The following CNOT6 variants were observed in gnomAD, a reference collection of about 807,000 sequenced individuals.
CNOT6 encodes the protein carbon catabolite repression 4 protein.
CNOT6 carries 12 observed loss-of-function variants against 61.2 expected under a neutral mutation model. That is an observed-to-expected ratio of 0.20 (90% CI 0.13 to 0.32). The LOEUF (loss-of-function observed/expected upper bound fraction) is 0.32, where lower values mean the gene tolerates loss of function less well. CNOT6 is among the 10% of genes least tolerant of loss of function. The pLI is 1.00. For missense variants in CNOT6, 405 were observed against 663.9 expected, an observed-to-expected ratio of 0.61 and a Z score of 4.28; for synonymous variants, 225 against 240.6, an observed-to-expected ratio of 0.94 and a Z score of 0.60.
intron 1 of CNOT6, among the ~76,000 whole-genome samples, chr5:180,496,394 G>A (rs930803435): frequency 1.3e-5 from 2 of 152,194 alleles, no homozygotes; most frequent in East Asian, 1.9e-4. Flanking sequence ...GGAAAGGACC[G>A]GGTTTGTGTG....
At chr5:180,510,466 C>T (rs917224608) in intron 1 of CNOT6, among the ~76,000 whole-genome samples, 9 of 152,036 alleles carry the variant, frequency 5.9e-5, no homozygotes, top group African/African-American at 1.7e-4. Flanking sequence ...TGACTATCGT[C>T]TAATGGAACT....
At position 180,576,578 on chromosome 5, in the gene CNOT6, C is replaced by G. The variant is rs1405634348; in HGVS notation, c.*2378C>G. On this transcript the variant is annotated 3_prime_UTR_variant, in exon 12 of 12. Coordinates refer to ENST00000261951, the MANE Select transcript of CNOT6 (RefSeq NM_001370472.1). Reference sequence around the variant, plus strand: ...TCCAGGCATACTGCATTCTGTGGATCAGTTTGAACAGCTTCTCCACCTTAT... The same window carrying G: ...TCCAGGCATACTGCATTCTGTGGATGAGTTTGAACAGCTTCTCCACCTTAT... 2 of 152,578 alleles carry G rather than the reference C, an allele frequency of 1.3e-5. No individual in the cohort carries two copies. Among genetic ancestry groups the G allele is most frequent in the Non-Finnish European group, 2.9e-5 (2 of 68,044 alleles). 9.5% of individuals were successfully genotyped at this position (152,578 alleles called of 1,614,324 possible).
intron 1 of CNOT6, among the ~76,000 whole-genome samples, chr5:180,522,316 T>C (rs114750437): frequency 0.019 from 2,876 of 152,192 alleles, 38 homozygotes; most frequent in Non-Finnish European, 0.027. Context: ...GGTTTTGCCT[T>C]GTTGCCCAGG....
At chr5:180,569,592 A>G (rs1760643720) in intron 10 of CNOT6, among the ~76,000 whole-genome samples, 1 of 152,220 alleles carries the variant, frequency 6.6e-6, no homozygotes, top group Non-Finnish European at 1.5e-5. Context: ...TAACTCTTTA[A>G]AGAACGTATG....
intron 4 of CNOT6, among the ~76,000 whole-genome samples, chr5:180,560,088 C>T (rs1007206511): frequency 8.6e-5 from 13 of 151,882 alleles, no homozygotes; most frequent in African/African-American, 3.1e-4. Flanking sequence ...GCTGGGATTA[C>T]AGGCACCCAC....
Position 180,574,980 on chromosome 5 carries a change from C to G in CNOT6, c.*780C>G, listed in dbSNP as rs190280622. 15 of 152,756 alleles carry G rather than the reference C, an allele frequency of 9.8e-5. No individual in the cohort carries two copies. In the East Asian group the frequency reaches 2.9e-3, roughly 29 times the overall value. The allele number at this position is 152,756 out of a possible 1,614,324, so 9.5% of individuals were successfully genotyped here. The stretch of plus-strand genomic sequence containing the variant: ...TATCTACTAGGACAGATAAGCTGAA[C>G]AGTGATGATCTGTAGACATTTATGG... On this transcript the variant is annotated 3_prime_UTR_variant, in exon 12 of 12. Coordinates refer to ENST00000261951, the MANE Select transcript of CNOT6 (RefSeq NM_001370472.1).
intron 2 of CNOT6, among the ~76,000 whole-genome samples, chr5:180,544,759 A>G (rs1216854346): frequency 1.3e-5 from 2 of 152,166 alleles, no homozygotes; most frequent in African/African-American, 4.8e-5. Context: ...CTTTAGGCAT[A>G]CCCTTCCCCT....
At chr5:180,544,431 GT>G (rs1365922980) in intron 2 of CNOT6, among the ~76,000 whole-genome samples, 4 of 151,994 alleles carry the variant, frequency 2.6e-5, no homozygotes, top group African/African-American at 9.7e-5. Flanking sequence ...TTCTTTCCTG[GT>G]TTTTTGGTAC....
chr5:180,502,249 T>C (rs1756897212), intron 1 of CNOT6, among the ~76,000 whole-genome samples: 2 of 152,212 alleles, frequency 1.3e-5, no homozygotes, highest in Admixed American at 6.5e-5. Context: ...TACAAAATTG[T>C]TTTGCCTGCG....
chr5:180,519,589 T>C (rs1392392628), intron 1 of CNOT6, among the ~76,000 whole-genome samples: 2 of 152,152 alleles, frequency 1.3e-5, no homozygotes, highest in Non-Finnish European at 2.9e-5. Flanking sequence ...ATTTGAGTCT[T>C]GATAAATATG....
At chr5:180,516,175 A>G (rs1757629034) in intron 1 of CNOT6, among the ~76,000 whole-genome samples, 1 of 140,970 alleles carries the variant, frequency 7.1e-6, no homozygotes, top group Non-Finnish European at 1.6e-5. Flanking sequence ...AGCTGGGAAA[A>G]TTCAGGATTT....
chr5:180,548,602 G>A (rs1355592932), intron 2 of CNOT6, among the ~76,000 whole-genome samples: 1 of 152,202 alleles, frequency 6.6e-6, no homozygotes, highest in Non-Finnish European at 1.5e-5. Context: ...GCTGTCCAAG[G>A]AGTAAGCTGA....
intron 1 of CNOT6, among the ~76,000 whole-genome samples, chr5:180,521,172 G>A (rs1316664693): frequency 6.6e-6 from 1 of 152,158 alleles, no homozygotes; most frequent in Non-Finnish European, 1.5e-5. Flanking sequence ...TAGTCATGAA[G>A]TTTTTGTGTG....
intron 4 of CNOT6, among the ~76,000 whole-genome samples, chr5:180,557,440 G>A (rs555310247): frequency 4.6e-5 from 7 of 152,136 alleles, no homozygotes; most frequent in Non-Finnish European, 1.0e-4. Context: ...TAGATGTGTA[G>A]TCATTTCATG....
intron 10 of CNOT6, among the ~76,000 whole-genome samples, chr5:180,569,642 G>T (rs919471557): frequency 1.3e-5 from 2 of 152,136 alleles, no homozygotes; most frequent in African/African-American, 4.8e-5. Flanking sequence ...GATAATTATG[G>T]TTATTAAGAC....
chr5:180,552,296 T>C (rs1369409222), intron 3 of CNOT6, among the ~76,000 whole-genome samples: 4 of 152,114 alleles, frequency 2.6e-5, no homozygotes, highest in Non-Finnish European at 5.9e-5. Context: ...AAGATTCATT[T>C]AAATGTCAAA....
chr5:180,526,864 A>G (rs2127718563), intron 1 of CNOT6, among the ~76,000 whole-genome samples: 2 of 151,538 alleles, frequency 1.3e-5, no homozygotes, highest in Admixed American at 1.3e-4. Flanking sequence ...ATTTAAAAAA[A>G]TCACATACAA....
chr5:180,518,440 TAGAA>T (rs1757743622), intron 1 of CNOT6, among the ~76,000 whole-genome samples: 1 of 151,852 alleles, frequency 6.6e-6, no homozygotes, highest in South Asian at 2.1e-4. Context: ...CTTCAGTAGA[TAGAA>T]ATAAATTAAA....
chr5:180,499,163 A>G (rs1756753012), intron 1 of CNOT6, among the ~76,000 whole-genome samples: 1 of 152,244 alleles, frequency 6.6e-6, no homozygotes, highest in African/African-American at 2.4e-5. Flanking sequence ...GGCTATGCCC[A>G]GTTGCTCTAT....
Sources: gnomAD v4.1 joint callset for allele counts (sites outside exome capture counted in the v4.1 genomes callset) on GRCh38, gnomAD v4.1.1 for gene constraint, MANE v1.5 for transcripts, NCBI Gene and HGNC (gene_info 2026-07-23, HGNC 2026-07-21) for gene names.